SCFD2: variants seen among roughly 807,000 people sequenced by gnomAD.
SCFD2 encodes sec1 family domain-containing protein 2.
A neutral mutation model predicts 58.9 loss-of-function variants in SCFD2; 54 were observed. The observed-to-expected ratio is 0.92, with a 90% CI of 0.74 to 1.15. The LOEUF is 1.15. Among genes scored for constraint, SCFD2 ranks in the 50% most tolerant of loss-of-function variants. The pLI, the probability that SCFD2 is intolerant of heterozygous loss-of-function variation, is 0.00. For missense variants in SCFD2, 805 were observed against 836.6 expected (o/e 0.96, Z 0.47); for synonymous variants, 321 against 335.9 (o/e 0.96, Z 0.49).
chr4:53,358,234 A>G (rs1158335894), intron 1 of SCFD2, among the ~76,000 whole-genome samples: 1 of 152,162 alleles, frequency 6.6e-6, no homozygotes, highest in Admixed American at 6.6e-5. Context: ...TCTTTAATCA[A>G]AAGGATTTTA....
At chr4:53,106,596 C>A (rs772855670) in intron 5 of SCFD2, among the ~76,000 whole-genome samples, 1 of 151,932 alleles carries the variant, frequency 6.6e-6, no homozygotes, top group African/African-American at 2.4e-5. Context: ...GCCGAATGAT[C>A]AAGAGGAAGA....
intron 5 of SCFD2, among the ~76,000 whole-genome samples, chr4:53,121,305 G>C (rs1725471007): frequency 6.6e-6 from 1 of 152,128 alleles, no homozygotes; most frequent in African/African-American, 2.4e-5. Context: ...GGGAGCACAG[G>C]CCCCTTCTAA....
At chr4:53,147,656 C>G (rs924805360) in intron 4 of SCFD2, among the ~76,000 whole-genome samples, 2 of 152,208 alleles carry the variant, frequency 1.3e-5, no homozygotes, top group African/African-American at 4.8e-5. Flanking sequence ...TAGGGCTGCC[C>G]TGTAGCTTCA....
intron 2 of SCFD2, among the ~76,000 whole-genome samples, chr4:53,331,111 C>A (rs1342251474): frequency 6.6e-6 from 1 of 151,502 alleles, no homozygotes; most frequent in African/African-American, 2.4e-5. Context: ...CCTGAGTGAC[C>A]TACAAAGAGA....
At chr4:53,081,507 T>G (rs1724146147) in intron 5 of SCFD2, among the ~76,000 whole-genome samples, 2 of 152,206 alleles carry the variant, frequency 1.3e-5, no homozygotes, top group South Asian at 4.1e-4. Context: ...GTATTTGGTT[T>G]TCCATTCCTA....
chr4:53,298,389 G>A (rs1732129255), intron 3 of SCFD2, among the ~76,000 whole-genome samples: 1 of 152,172 alleles, frequency 6.6e-6, no homozygotes, highest in African/African-American at 2.4e-5. Context: ...GCAGTAGCGA[G>A]GCTGGGGGAG....
chr4:53,231,599 T>C (rs1288368820), intron 4 of SCFD2, among the ~76,000 whole-genome samples: 4 of 152,206 alleles, frequency 2.6e-5, no homozygotes, highest in Non-Finnish European at 5.9e-5. Context: ...GAATTATTCT[T>C]AAGGAGAATT....
At chr4:53,151,443 C>T (rs17082470) in intron 4 of SCFD2, among the ~76,000 whole-genome samples, 4,219 of 152,254 alleles carry the variant, frequency 0.028, 83 homozygotes, top group Middle Eastern at 0.078. Flanking sequence ...AGTCACTATG[C>T]GCAAAAGGCC....
chr4:53,364,733 G>C (rs201621740), intron 1 of SCFD2, among the ~76,000 whole-genome samples: 2 of 35,042 alleles, frequency 5.7e-5, no homozygotes, highest in African/African-American at 9.7e-5. Flanking sequence ...CAACAAACCA[G>C]AGTCTTCTTA....
chr4:53,360,922 T>C (rs1458376722), intron 1 of SCFD2, among the ~76,000 whole-genome samples: 1 of 152,226 alleles, frequency 6.6e-6, no homozygotes, highest in Admixed American at 6.5e-5. Flanking sequence ...GAATTTTTCT[T>C]ACTCTTTTTA....
At chr4:53,067,332 T>C (rs1420535281) in intron 5 of SCFD2, among the ~76,000 whole-genome samples, 2 of 151,912 alleles carry the variant, frequency 1.3e-5, no homozygotes, top group South Asian at 4.2e-4. Context: ...GGGAATGTGG[T>C]TAGTACTCAA....
At chr4:52,964,034 A>T (rs942389108) in intron 5 of SCFD2, among the ~76,000 whole-genome samples, 2 of 152,206 alleles carry the variant, frequency 1.3e-5, no homozygotes, top group Non-Finnish European at 2.9e-5. Flanking sequence ...AAAAAGAATA[A>T]TATAAAGATT....
At chr4:53,333,622 CG>C (rs1448501246) in intron 2 of SCFD2, among the ~76,000 whole-genome samples, 1 of 148,326 alleles carries the variant, frequency 6.7e-6, no homozygotes. Context: ...AAGACTTAAA[CG>C]TTAGACCTAA....
chr4:52,992,035 C>T (rs1189331278), intron 5 of SCFD2, among the ~76,000 whole-genome samples: 1 of 151,886 alleles, frequency 6.6e-6, no homozygotes, highest in African/African-American at 2.4e-5. Context: ...GTCTCCCTCT[C>T]CCCGCAGTCT....
At chr4:53,238,644 C>T (rs972166065) in intron 4 of SCFD2, among the ~76,000 whole-genome samples, 7 of 149,814 alleles carry the variant, frequency 4.7e-5, no homozygotes, top group East Asian at 2.0e-4. Flanking sequence ...GCTTCTCAGA[C>T]GGGGTGGCCG....
intron 5 of SCFD2, among the ~76,000 whole-genome samples, chr4:52,978,695 A>G (rs1721306329): frequency 6.6e-6 from 1 of 152,100 alleles, no homozygotes; most frequent in Admixed American, 6.6e-5. Flanking sequence ...AAAAAAAAAG[A>G]AAGGAACAGT....
intron 4 of SCFD2, among the ~76,000 whole-genome samples, chr4:53,166,922 A>G (rs962040583): frequency 1.3e-5 from 2 of 152,116 alleles, no homozygotes; most frequent in African/African-American, 4.8e-5. Context: ...ATTTGGGAAT[A>G]AGAGGATAGG....
At chr4:53,201,504 T>C (rs1292619174) in intron 4 of SCFD2, among the ~76,000 whole-genome samples, 2 of 152,220 alleles carry the variant, frequency 1.3e-5, no homozygotes, top group Admixed American at 6.5e-5. Flanking sequence ...TGTGTCTTTA[T>C]AGCAGCATGA....
intron 4 of SCFD2, among the ~76,000 whole-genome samples, chr4:53,180,562 A>C (rs1338750455): frequency 1.3e-5 from 2 of 152,226 alleles, no homozygotes; most frequent in African/African-American, 4.8e-5. Flanking sequence ...AAGATCTAAA[A>C]TTGACACCCT....
Sources: allele counts gnomAD v4.1 joint callset (sites outside exome capture counted in the v4.1 genomes callset), GRCh38; gene constraint gnomAD v4.1.1; transcripts MANE v1.5; gene names NCBI Gene and HGNC (gene_info 2026-07-23, HGNC 2026-07-21).